The following RYR2 variants were observed in gnomAD, a reference collection of about 807,000 sequenced individuals.
RYR2 encodes ryanodine receptor 2.
RYR2 carries 227 observed loss-of-function variants against 601.1 expected under a neutral mutation model. The ratio of observed to expected loss-of-function variants is 0.38; its 90% CI spans 0.34 to 0.42. The LOEUF (loss-of-function observed/expected upper bound fraction) is 0.42. Among genes scored for constraint, RYR2 ranks in the 10% least tolerant of loss-of-function variants. RYR2 has a pLI of 1.00. For missense variants in RYR2, 4,646 were observed against 6,156.5 expected, an observed-to-expected ratio of 0.75 and a Z score of 8.21; for synonymous variants, 2,223 against 2,175.1, an observed-to-expected ratio of 1.02 and a Z score of -0.61.
intron 11 of RYR2, among the ~76,000 whole-genome samples, chr1:237,420,248 T>C: frequency 6.6e-6 from 1 of 152,202 alleles, no homozygotes; most frequent in South Asian, 2.1e-4. Context: ...GTGAGATATG[T>C]GTTAGTTCCT....
At chr1:237,391,191 A>G (rs1263022558) in intron 10 of RYR2, among the ~76,000 whole-genome samples, 2 of 152,104 alleles carry the variant, frequency 1.3e-5, no homozygotes, top group Non-Finnish European at 2.9e-5. Flanking sequence ...AGGTCATTGT[A>G]AGGAACTTGG....
At chr1:237,429,854 A>C (rs1257848289) in intron 12 of RYR2, among the ~76,000 whole-genome samples, 2 of 152,124 alleles carry the variant, frequency 1.3e-5, no homozygotes, top group African/African-American at 4.8e-5. Context: ...ATATACGTGC[A>C]AGTTAATTTC....
intron 96 of RYR2, among the ~76,000 whole-genome samples, chr1:237,795,688 T>TGATC (rs1659030897): frequency 6.6e-6 from 1 of 151,720 alleles, no homozygotes. Context: ...TGACCTCAGG[T>TGATC]GATCTGCCCG....
intron 1 of RYR2, among the ~76,000 whole-genome samples, chr1:237,249,456 A>T (rs1335733801): frequency 2.0e-5 from 3 of 152,204 alleles, no homozygotes; most frequent in Non-Finnish European, 2.9e-5. Flanking sequence ...TAACTATATT[A>T]TGGTACTTCA....
chr1:237,541,325 A>T (rs543924322), intron 25 of RYR2, among the ~76,000 whole-genome samples: 1 of 152,282 alleles, frequency 6.6e-6, no homozygotes, highest in African/African-American at 2.4e-5. Context: ...TAGGGCACTA[A>T]TTCTAGTTTG....
intron 50 of RYR2, among the ~76,000 whole-genome samples, chr1:237,650,798 C>A (rs939900795): frequency 3.9e-5 from 6 of 152,158 alleles, no homozygotes; most frequent in African/African-American, 1.4e-4. Flanking sequence ...GGGTTGAGAA[C>A]CAGATGGCAC....
chr1:237,832,241 C>G (rs543739152), intron 104 of RYR2, among the ~76,000 whole-genome samples: 1 of 150,886 alleles, frequency 6.6e-6, no homozygotes, highest in South Asian at 2.1e-4. Context: ...TTAGTACAGA[C>G]AAGATCTCTT....
At chr1:237,441,989 A>G (rs1256658415) in intron 13 of RYR2, among the ~76,000 whole-genome samples, 1 of 152,252 alleles carries the variant, frequency 6.6e-6, no homozygotes, top group East Asian at 1.9e-4. Context: ...TGATTTATGT[A>G]TATTCAGCAT....
At chr1:237,369,629 A>T (rs750820384) in intron 6 of RYR2, 21 bp downstream of exon 6, 78 of 1,549,806 alleles carry the variant, frequency 5.0e-5, no homozygotes, top group Non-Finnish European at 6.7e-5. Context: ...ATTTGATTTC[A>T]TCTCCCTGTG....
chr1:237,175,048 T>C (rs1677866123), intron 1 of RYR2, among the ~76,000 whole-genome samples: 1 of 152,352 alleles, frequency 6.6e-6, no homozygotes, highest in South Asian at 2.1e-4. Context: ...GTTAATAATG[T>C]ATAACTTCCA....
intron 1 of RYR2, among the ~76,000 whole-genome samples, chr1:237,201,282 C>A (rs12401834): frequency 0.34 from 52,384 of 152,064 alleles, 9,255 homozygotes; most frequent in Middle Eastern, 0.39. Context: ...GAGGTCCTGG[C>A]ACTGCCCTCA....
intron 64 of RYR2, among the ~76,000 whole-genome samples, chr1:237,699,438 A>G (rs1468989474): frequency 6.6e-6 from 1 of 151,992 alleles, no homozygotes; most frequent in African/African-American, 2.4e-5. Flanking sequence ...AAGATTGCAT[A>G]CTAAGTGTGT....
At chr1:237,243,418 G>A (rs1355975892) in intron 1 of RYR2, among the ~76,000 whole-genome samples, 5 of 152,090 alleles carry the variant, frequency 3.3e-5, no homozygotes, top group East Asian at 1.9e-4. Context: ...TTACATTTAC[G>A]GGCTTATTAT....
chr1:237,589,680 C>A, intron 29 of RYR2, 113 bp from the exon 30 acceptor site: 2 of 924,258 alleles, frequency 2.2e-6, no homozygotes, highest in Admixed American at 2.3e-5. Context: ...CTTTTTTCAC[C>A]CTAGGGTGAC....
At chr1:237,805,351 C>A (rs971131255) in intron 98 of RYR2, among the ~76,000 whole-genome samples, 1 of 151,876 alleles carries the variant, frequency 6.6e-6, no homozygotes, top group African/African-American at 2.4e-5. Context: ...GAGGCCGAGG[C>A]GGGTGGATCA....
chr1:237,050,973 C>T (rs1211251709), intron 1 of RYR2, among the ~76,000 whole-genome samples: 3 of 152,298 alleles, frequency 2.0e-5, no homozygotes, highest in South Asian at 2.1e-4. Context: ...CTCACACACA[C>T]GCACACATGT....
intron 35 of RYR2, among the ~76,000 whole-genome samples, chr1:237,606,416 TC>T (rs1367836021): frequency 2.0e-5 from 3 of 152,110 alleles, no homozygotes; most frequent in Non-Finnish European, 4.4e-5. Context: ...CAAAAATTCA[TC>T]CAAGGTGGAT....
chr1:237,638,639 C>T, intron 45 of RYR2, 147 bp downstream of exon 45: 2 of 887,258 alleles, frequency 2.3e-6, no homozygotes, highest in Non-Finnish European at 3.4e-6. Flanking sequence ...ACAGTAACCA[C>T]TTATAATACA....
At chr1:237,381,146 G>A (rs1701478096) in intron 8 of RYR2, among the ~76,000 whole-genome samples, 1 of 151,328 alleles carries the variant, frequency 6.6e-6, no homozygotes, top group South Asian at 2.1e-4. Flanking sequence ...TAAGGAGGCT[G>A]AGGCAGGAAA....
Sources: gnomAD v4.1 joint callset for allele counts (sites outside exome capture counted in the v4.1 genomes callset) on GRCh38, gnomAD v4.1.1 for gene constraint, MANE v1.5 for transcripts, NCBI Gene and HGNC (gene_info 2026-07-23, HGNC 2026-07-21) for gene names.